Variants in TSPAN9 observed in about 807,000 individuals in gnomAD.
The protein encoded by TSPAN9 is tetraspanin-9.
A neutral mutation model predicts 31.0 loss-of-function variants in TSPAN9; 16 were observed. The ratio of observed to expected loss-of-function variants is 0.52; its 90% confidence interval spans 0.35 to 0.78. The LOEUF (loss-of-function observed/expected upper bound fraction) is 0.78. Ranked by LOEUF, TSPAN9 falls within the 30% of genes least tolerant of loss-of-function variation. The probability of loss-of-function intolerance (pLI) is 0.01; values close to 1 mark genes in which losing one functional copy is unlikely to be tolerated. For missense variants in TSPAN9, 272 were observed against 312.5 expected (o/e 0.87, Z 0.98); for synonymous variants, 145 against 121.6 (o/e 1.19, Z -1.27).
chr12:3,174,177 C>T (rs1443505718), intron 2 of TSPAN9: 1 of 152,304 alleles, frequency 6.6e-6, no homozygotes, highest in Non-Finnish European at 1.5e-5. Flanking sequence ...AAGCGATCCT[C>T]CTGCCTCAGC....
intron 3 of TSPAN9, among the ~76,000 whole-genome samples, chr12:3,231,106 T>A (rs897612530): frequency 1.4e-4 from 22 of 152,160 alleles, no homozygotes; most frequent in African/African-American, 5.1e-4. Flanking sequence ...TGTGGTTTTT[T>A]AAAAATAATT....
chr12:3,121,533 C>CGTTTTTTT lies in TSPAN9; in HGVS notation c.-18+37814_-18+37815insGTTTTTTT, dbSNP rs1426241959. 2.0e-4 allele frequency among the ~76,000 whole-genome samples: 19 copies of CGTTTTTTT among 92,914 alleles called. 7 individuals carry two copies. The highest frequency in any genetic ancestry group is 1.6e-4 in the Non-Finnish European group (8 of 50,774). The allele number at this position is 92,914 out of a possible 152,430, so 61.0% of individuals were successfully genotyped here. ...TGCCACCATATCTGGCTAATTAAAA[C>CGTTTTTTT]TTTTTTTTTTTTTTTTTTTTTTTTT... On this transcript the variant is annotated intron_variant, in intron 2 of 8. Transcript: ENST00000011898.
intron 2 of TSPAN9, among the ~76,000 whole-genome samples, chr12:3,165,023 C>T (rs868453671): frequency 1.2e-4 from 18 of 152,260 alleles, no homozygotes; most frequent in Middle Eastern, 6.8e-3. Context: ...AAGAGGCTCT[C>T]GTCTGGTGGC....
At chr12:3,208,981 A>T (rs1461215202) in intron 3 of TSPAN9, among the ~76,000 whole-genome samples, 1 of 152,224 alleles carries the variant, frequency 6.6e-6, no homozygotes, top group East Asian at 1.9e-4. Context: ...TCATGCCTGT[A>T]ATCCTAGCAC....
chr12:3,118,541 A>G (rs538045795), intron 2 of TSPAN9, among the ~76,000 whole-genome samples: 2 of 151,904 alleles, frequency 1.3e-5, no homozygotes, highest in African/African-American at 4.8e-5. Flanking sequence ...GATTACAGGC[A>G]TGAGCCACCG....
intron 3 of TSPAN9, among the ~76,000 whole-genome samples, chr12:3,213,910 A>G (rs1424398244): frequency 6.6e-6 from 1 of 152,192 alleles, no homozygotes; most frequent in East Asian, 1.9e-4. Context: ...TGCATCCTGC[A>G]TTTCCTCCCC....
rs1016936644 is a variant in TSPAN9, at chr12:3,136,297, A to C, written c.-18+52578A>C. The stretch of plus-strand genomic sequence containing the variant: ...GCTGAGCGGGGCCTTGAATGCAGGC[A>C]GGCTGGCTCCAGAGTCCCGGGATAA... On this transcript the variant is annotated intron_variant, in intron 2 of 8. Transcript: ENST00000011898. Among the ~76,000 whole-genome samples, 2 of 152,196 alleles carry C rather than the reference A, an allele frequency of 1.3e-5. 1 individual carries two copies. Among genetic ancestry groups the C allele is most frequent in the East Asian group, 3.9e-4 (2 of 5,192 alleles).
chr12:3,264,095 A>G (rs1057397795), intron 3 of TSPAN9, among the ~76,000 whole-genome samples: 7 of 152,116 alleles, frequency 4.6e-5, no homozygotes, highest in African/African-American at 1.7e-4. Flanking sequence ...TGGGACCGTT[A>G]CTTTGGCTCA....
chr12:3,270,427 C>T (rs1358228887), intron 3 of TSPAN9, among the ~76,000 whole-genome samples: 2 of 152,232 alleles, frequency 1.3e-5, no homozygotes, highest in Non-Finnish European at 2.9e-5. Context: ...GGGGACTGGG[C>T]CATCTCTCAC....
At chr12:3,078,112 T>G (rs2098296030) in intron 1 of TSPAN9, among the ~76,000 whole-genome samples, 2 of 152,238 alleles carry the variant, frequency 1.3e-5, no homozygotes, top group Admixed American at 6.5e-5. Flanking sequence ...ATCTCCTCCC[T>G]CTTTGAAAAA....
intron 2 of TSPAN9, among the ~76,000 whole-genome samples, chr12:3,124,402 A>G (rs1479471889): frequency 2.0e-5 from 3 of 152,130 alleles, no homozygotes; most frequent in Non-Finnish European, 2.9e-5. Flanking sequence ...ATGTCTAACA[A>G]TAGAAAATTA....
chr12:3,167,667 C>A (rs2098349238), intron 2 of TSPAN9, among the ~76,000 whole-genome samples: 1 of 152,180 alleles, frequency 6.6e-6, no homozygotes, highest in Non-Finnish European at 1.5e-5. Context: ...ACAAATGTGG[C>A]TCCAAGTCCA....
intron 3 of TSPAN9, chr12:3,206,485 T>C: frequency 2.6e-6 from 1 of 377,856 alleles, no homozygotes. Flanking sequence ...TGACTTGTCC[T>C]TTCCTCCCCT....
chr12:3,280,314 T>G lies in TSPAN9; in HGVS notation c.331-68T>G. On this transcript the variant is annotated intron_variant, in intron 5 of 8. Transcript: ENST00000011898. This position sits in a 1 kb window ranked among gnomAD's most constrained non-coding sequence, Gnocchi z 4.5. Reference sequence around the variant, plus strand: ...CTGTCACCCACCATCCTGGGTGACCTGAGGTGGGCTGGAGAGACGAGCTGC... The same window carrying G: ...CTGTCACCCACCATCCTGGGTGACCGGAGGTGGGCTGGAGAGACGAGCTGC... The G allele has an allele frequency of 7.0e-7, 1 of 1,429,090 alleles. No homozygotes were observed. The highest frequency in any genetic ancestry group is 9.8e-7 in the Non-Finnish European group (1 of 1,021,884). 88.5% of individuals were successfully genotyped at this position (1,429,090 alleles called of 1,614,324 possible). A position where few individuals can be genotyped will look rare whatever the true frequency, so the allele number is the denominator to read the frequency against.
intron 3 of TSPAN9, among the ~76,000 whole-genome samples, chr12:3,251,531 A>C (rs995383469): frequency 8.6e-5 from 13 of 150,292 alleles, no homozygotes; most frequent in African/African-American, 3.3e-4. Context: ...AATAATAGAG[A>C]TATATGAAAA....
chr12:3,277,338 C>T (rs913640551), intron 3 of TSPAN9, among the ~76,000 whole-genome samples: 1 of 152,228 alleles, frequency 6.6e-6, no homozygotes, highest in Non-Finnish European at 1.5e-5. Context: ...CCTCCTTCAA[C>T]TGGCTTCCAT....
chr12:3,223,629 A>G (rs1277018349), intron 3 of TSPAN9, among the ~76,000 whole-genome samples: 1 of 152,224 alleles, frequency 6.6e-6, no homozygotes, highest in East Asian at 1.9e-4. Context: ...AGGCCAGATC[A>G]TCAGTCTGCA....
intron 2 of TSPAN9, among the ~76,000 whole-genome samples, chr12:3,118,536 C>T (rs6416314): frequency 1.3e-5 from 2 of 151,680 alleles, no homozygotes; most frequent in Non-Finnish European, 2.9e-5. Flanking sequence ...GTTGGGATTA[C>T]AGGCATGAGC....
intron 2 of TSPAN9, among the ~76,000 whole-genome samples, chr12:3,095,897 G>A (rs1200832747): frequency 2.0e-5 from 3 of 149,342 alleles, no homozygotes; most frequent in Non-Finnish European, 4.5e-5. Context: ...GACGATGGGC[G>A]GCCAGGCAGA....
Sources: gnomAD v4.1 joint callset for allele counts (sites outside exome capture counted in the v4.1 genomes callset) on GRCh38, gnomAD v4.1.1 for gene constraint, Gnocchi (gnomAD v3.1) non-coding constraint, MANE v1.5 for transcripts, NCBI Gene and HGNC (gene_info 2026-07-23, HGNC 2026-07-21) for gene names.